Variants in GALNT18 observed in about 807,000 individuals in gnomAD.
GALNT18 encodes polypeptide N-acetylgalactosaminyltransferase 18.
In GALNT18, 44 loss-of-function variants were observed where a neutral mutation model predicts 69.5. The observed-to-expected ratio is 0.63, with a 90% CI of 0.50 to 0.81. The LOEUF (loss-of-function observed/expected upper bound fraction) is 0.81. GALNT18 is among the 40% of genes least tolerant of loss of function. The probability of loss-of-function intolerance (pLI) is 0.00; values close to 1 mark genes in which losing one functional copy is unlikely to be tolerated. For synonymous variants in GALNT18, 364 were observed against 318.2 expected (o/e 1.14, Z -1.53); for missense variants, 715 against 810.0 (o/e 0.88, Z 1.42).
chr11:11,284,833 C>CGT (rs1554909633), intron 10 of GALNT18, among the ~76,000 whole-genome samples: 4 of 149,402 alleles, frequency 2.7e-5, no homozygotes, highest in African/African-American at 1.0e-4. Context: ...GAGATTAAGT[C>CGT]TTTTTTTGGT....
At position 11,592,572 on chromosome 11, in the gene GALNT18, C is replaced by G. The variant is rs192885282; in HGVS notation, c.235+28787G>C. On this transcript the variant is annotated intron_variant, in intron 1 of 10. Coordinates refer to ENST00000227756, the MANE Select transcript of GALNT18 (RefSeq NM_198516.3). The surrounding 1 kb of genome is among the most constrained non-coding windows in gnomAD (Gnocchi z 5.9). ...CCCTGGGTCTGGCACAAGCTCAAAA[C>G]AACTTTCAGTTACGAAAAAGGGTAT... 5.9e-5 allele frequency among the ~76,000 whole-genome samples: 9 copies of G among 152,268 alleles called. No individual in the cohort carries two copies. The East Asian group carries it at 1.7e-3, about 29-fold the overall frequency.
At chr11:11,471,998 G>C (rs1564966098) in intron 1 of GALNT18, among the ~76,000 whole-genome samples, 1 of 152,210 alleles carries the variant, frequency 6.6e-6, no homozygotes, top group East Asian at 1.9e-4. Flanking sequence ...GCAAGACCAG[G>C]CTCAGCAGAA....
rs891419949 is a variant in GALNT18, at chr11:11,555,679, G to C, written c.235+65680C>G. ...CCAGACTTTCCTCATTTCCTTAACA[G>C]CATTACCAGGGAAGCAAGTAATGGT... On this transcript the variant is annotated intron_variant, in intron 1 of 10. Coordinates refer to ENST00000227756, the MANE Select transcript of GALNT18 (RefSeq NM_198516.3). This position sits in a 1 kb window ranked among gnomAD's most constrained non-coding sequence, Gnocchi z 4.7. Among the ~76,000 whole-genome samples the C allele has an allele frequency of 6.6e-6, 1 of 152,186 alleles. No individual in the cohort carries two copies. The highest frequency in any genetic ancestry group is 6.5e-5 in the Admixed American group (1 of 15,284).
intron 1 of GALNT18, among the ~76,000 whole-genome samples, chr11:11,479,048 G>A (rs1259483855): frequency 2.0e-5 from 3 of 152,198 alleles, no homozygotes; most frequent in Non-Finnish European, 4.4e-5. Context: ...AACTGTCCAT[G>A]CCCTTGGCTC....
chr11:11,279,859 G>T (rs2132983179), intron 10 of GALNT18, among the ~76,000 whole-genome samples: 1 of 152,258 alleles, frequency 6.6e-6, no homozygotes, highest in Non-Finnish European at 1.5e-5. Context: ...TTGAAAGTGT[G>T]TATTTTATAC....
rs1856874407 is a variant in GALNT18, at chr11:11,496,820, A to G, written c.236-47884T>C. On this transcript the variant is annotated intron_variant, in intron 1 of 10. Coordinates refer to ENST00000227756, the MANE Select transcript of GALNT18 (RefSeq NM_198516.3). The surrounding 1 kb of genome is among the most constrained non-coding windows in gnomAD (Gnocchi z 4.0). ...GGTCTCTCCAATGGCCTCCCACCTAATCAACCACTTCTACGCCAGTTCCCT... is the reference window on the plus strand; with the variant it reads ...GGTCTCTCCAATGGCCTCCCACCTAGTCAACCACTTCTACGCCAGTTCCCT... 6.6e-6 allele frequency among the ~76,000 whole-genome samples: 1 copy of G among 151,582 alleles called. No individual in the cohort carries two copies. The highest frequency in any genetic ancestry group is 6.6e-5 in the Admixed American group (1 of 15,236).
intron 2 of GALNT18, among the ~76,000 whole-genome samples, chr11:11,434,180 G>C (rs1358662978): frequency 1.3e-5 from 2 of 152,156 alleles, no homozygotes; most frequent in African/African-American, 2.4e-5. Flanking sequence ...ATGGTTACCA[G>C]AAATTTACAG....
In GALNT18 at chr11:11,459,472, G is replaced by A. The variant is rs1331548091; in HGVS notation, c.236-10536C>T. Among the ~76,000 whole-genome samples the A allele has an allele frequency of 6.6e-6, 1 of 152,140 alleles. No homozygotes were observed. On this transcript the variant is annotated intron_variant, in intron 1 of 10. Coordinates refer to ENST00000227756, the MANE Select transcript of GALNT18 (RefSeq NM_198516.3). This position sits in a 1 kb window ranked among gnomAD's most constrained non-coding sequence, Gnocchi z 5.0. ...AGGGAAGAAGAGAGGCTTCTTCAGG[G>A]TGCCTCAGCCCAAAGTAGGGTGGGG... is the stretch of plus-strand genomic sequence containing the variant.
At chr11:11,374,981 G>A (rs761613034) in intron 5 of GALNT18, among the ~76,000 whole-genome samples, 7 of 152,194 alleles carry the variant, frequency 4.6e-5, no homozygotes, top group Non-Finnish European at 7.3e-5. Context: ...TGATTCCCTG[G>A]GGATAGCAAG....
In GALNT18 at chr11:11,413,743, G is replaced by A. The variant is rs112448263; in HGVS notation, c.595+18878C>T. On this transcript the variant is annotated intron_variant, in intron 3 of 10. Coordinates refer to ENST00000227756, the MANE Select transcript of GALNT18 (RefSeq NM_198516.3). The surrounding 1 kb of genome is among the most constrained non-coding windows in gnomAD (Gnocchi z 4.7). ...GAAGCCTTGCTGTGTTATAACTAGG[G>A]TATTTCACCATTCTTCAAGAGGATG... Among the ~76,000 whole-genome samples, 121 of 152,266 alleles carry A rather than the reference G, an allele frequency of 7.9e-4. 3 individuals are homozygous for A. The highest frequency in any genetic ancestry group is 2.7e-3 in the African/African-American group (114 of 41,558).
chr11:11,331,486 G>A (rs933370229), intron 8 of GALNT18, among the ~76,000 whole-genome samples: 2 of 152,172 alleles, frequency 1.3e-5, no homozygotes, highest in African/African-American at 4.8e-5. Context: ...GATTCTTCCC[G>A]CTTATAGGCA....
intron 1 of GALNT18, among the ~76,000 whole-genome samples, chr11:11,485,930 A>G (rs1856634716): frequency 6.6e-6 from 1 of 152,096 alleles, no homozygotes; most frequent in Non-Finnish European, 1.5e-5. Context: ...TTCTCTAGGG[A>G]GGCCTATTGT....
At chr11:11,371,534 G>A (rs565967867) in intron 6 of GALNT18, among the ~76,000 whole-genome samples, 3 of 151,744 alleles carry the variant, frequency 2.0e-5, no homozygotes, top group East Asian at 1.9e-4. Context: ...TAATCCCTAC[G>A]GACACCAGTA....
intron 1 of GALNT18, among the ~76,000 whole-genome samples, chr11:11,544,184 T>G (rs1439687368): frequency 6.6e-6 from 1 of 152,170 alleles, no homozygotes; most frequent in Non-Finnish European, 1.5e-5. Context: ...TAACTCTGGA[T>G]GGTAGCCACA....
chr11:11,555,252 CCT>C lies in GALNT18; in HGVS notation c.235+66105_235+66106del, dbSNP rs1260496783. Among the ~76,000 whole-genome samples, 3 of 152,218 alleles carry C rather than the reference CCT, an allele frequency of 2.0e-5. No individual in the cohort carries two copies. The highest frequency in any genetic ancestry group is 4.8e-5 in the African/African-American group (2 of 41,456). On this transcript the variant is annotated intron_variant, in intron 1 of 10. Transcript: ENST00000227756. This position sits in a 1 kb window ranked among gnomAD's most constrained non-coding sequence, Gnocchi z 4.7. ...CAGCCAAGCTGCCAAGGACCCAGCCCCTCTCTGACAGCCAACAGGCTGCAGGG... is the reference window on the plus strand; with the variant it reads ...CAGCCAAGCTGCCAAGGACCCAGCCCCTCTGACAGCCAACAGGCTGCAGGG...
At position 11,309,976 on chromosome 11, in the gene GALNT18, T is replaced by C. The variant is rs1849642165; in HGVS notation, c.1513-16783A>G. On this transcript the variant is annotated intron_variant, in intron 9 of 10. Transcript: ENST00000227756. This position sits in a 1 kb window ranked among gnomAD's most constrained non-coding sequence, Gnocchi z 4.6. ...TTCTTCCCTTCAGTCTCAAAACATG[T>C]TCCCTTATTGCTTTCTTTAAAAAGC... Among the ~76,000 whole-genome samples, 2 of 149,918 alleles carry C rather than the reference T, an allele frequency of 1.3e-5. No homozygotes were observed. The highest frequency in any genetic ancestry group is 4.8e-5 in the African/African-American group (2 of 41,424).
intron 9 of GALNT18, among the ~76,000 whole-genome samples, chr11:11,308,724 AC>A (rs920503405): frequency 2.0e-5 from 3 of 152,158 alleles, no homozygotes; most frequent in African/African-American, 7.2e-5. Context: ...GACATCAGAC[AC>A]CATTGCCCTC....
intron 1 of GALNT18, among the ~76,000 whole-genome samples, chr11:11,608,633 T>A (rs1359454374): frequency 2.6e-5 from 4 of 152,166 alleles, no homozygotes; most frequent in African/African-American, 9.7e-5. Context: ...AGTACTGGGA[T>A]TACAGGCGTG....
chr11:11,537,414 G>A (rs1478746127), intron 1 of GALNT18, among the ~76,000 whole-genome samples: 1 of 152,124 alleles, frequency 6.6e-6, no homozygotes, highest in African/African-American at 2.4e-5. Flanking sequence ...AGAAAATGTG[G>A]TCACCAGGAT....
Sources: gnomAD v4.1 joint callset for allele counts (sites outside exome capture counted in the v4.1 genomes callset) on GRCh38, gnomAD v4.1.1 for gene constraint, Gnocchi (gnomAD v3.1) non-coding constraint, MANE v1.5 for transcripts, NCBI Gene and HGNC (gene_info 2026-07-23, HGNC 2026-07-21) for gene names.